Variants in CCDC146 observed in about 807,000 individuals in gnomAD.
CCDC146 encodes coiled-coil domain containing 146, also known as coiled-coil domain-containing protein 146.
Under a neutral mutation model 119.3 loss-of-function variants are expected in CCDC146, and 92 were observed. The ratio of observed to expected loss-of-function variants is 0.77; its 90% confidence interval spans 0.65 to 0.92. The LOEUF (loss-of-function observed/expected upper bound fraction) is 0.92, where lower values mean the gene tolerates loss of function less well. CCDC146 is among the 40% of genes least tolerant of loss of function. CCDC146 has a pLI of 0.00. For synonymous variants in CCDC146, 372 were observed against 371.8 expected (o/e 1.00, Z -0.01); for missense variants, 1,000 against 1,103.0 (o/e 0.91, Z 1.32).
At chr7:77,263,855 C>T (rs924405494) in intron 9 of CCDC146, among the ~76,000 whole-genome samples, 1 of 152,110 alleles carries the variant, frequency 6.6e-6, no homozygotes, top group African/African-American at 2.4e-5. Flanking sequence ...ACCCGGGAGG[C>T]GGAGGTTGCA....
intron 4 of CCDC146, among the ~76,000 whole-genome samples, chr7:77,248,165 AACTC>A (rs1584109269): frequency 6.6e-6 from 1 of 152,218 alleles, no homozygotes; most frequent in African/African-American, 2.4e-5. Context: ...AAGTGAAAAA[AACTC>A]ACAAACAGAA....
chr7:77,237,445 G>C (rs1053413853), intron 3 of CCDC146, among the ~76,000 whole-genome samples: 2 of 152,160 alleles, frequency 1.3e-5, no homozygotes, highest in Non-Finnish European at 2.9e-5. Context: ...AGCAAACTTT[G>C]ATGGCCAGAG....
At position 77,230,934 on chromosome 7, in the gene CCDC146, C is replaced by T. The variant is rs542038720; in HGVS notation, c.157-6013C>T. On this transcript the variant is annotated intron_variant, in intron 2 of 18. Coordinates refer to ENST00000285871, the MANE Select transcript of CCDC146 (RefSeq NM_020879.3). The stretch of plus-strand genomic sequence containing the variant: ...AAATTATATACAGTAGTCCCCCCCA[C>T]CATCTGCAATTTTATGTTCTGCGAT... Among the ~76,000 whole-genome samples the T allele has an allele frequency of 3.3e-5, 5 of 152,290 alleles. No homozygotes were observed. The South Asian group carries it at 6.2e-4, about 19-fold the overall frequency.
chr7:77,189,095 C>G (rs1791716933), intron 2 of CCDC146, among the ~76,000 whole-genome samples: 1 of 152,142 alleles, frequency 6.6e-6, no homozygotes, highest in Admixed American at 6.6e-5. Flanking sequence ...TCCTGAACTT[C>G]AGACTAATAT....
intron 1 of CCDC146, among the ~76,000 whole-genome samples, chr7:77,123,061 G>C (rs1461056862): frequency 6.9e-6 from 1 of 144,968 alleles, no homozygotes; most frequent in Non-Finnish European, 1.5e-5. Context: ...TGAGGATCAA[G>C]TAAGAAAATG....
chr7:77,171,538 C>A (rs1302139007), intron 2 of CCDC146, among the ~76,000 whole-genome samples: 1 of 152,208 alleles, frequency 6.6e-6, no homozygotes, highest in Admixed American at 6.5e-5. Context: ...CCAGACTTAT[C>A]TGCGCTCCCC....
intron 1 of CCDC146, among the ~76,000 whole-genome samples, chr7:77,165,479 G>A (rs1791325786): frequency 6.6e-6 from 1 of 152,064 alleles, no homozygotes; most frequent in African/African-American, 2.4e-5. Flanking sequence ...TGGGTGCCAA[G>A]CAAATAGGCC....
rs1386575087 is a variant in CCDC146, at chr7:77,236,999, A to G, written c.209A>G (p.Lys70Arg). The change falls in exon 3 of 19, where the codon AAG becomes AGG. Residue 70 changes from lysine to arginine, a missense_variant. Lys to Arg is a conservative substitution (Grantham distance 26). Coordinates refer to ENST00000285871, the MANE Select transcript of CCDC146 (RefSeq NM_020879.3). ...ACCAGAATGGCAGCGTTAAAAGCCA[A>G]GTATACCTTGCTGCATGACGCCGTG... is the stretch of plus-strand genomic sequence containing the variant. ...PGTRMAALKA[K>R]YTLLHDAVMS... 1.9e-6 allele frequency: 3 copies of G among 1,614,184 alleles called. No homozygotes were observed. Among genetic ancestry groups the G allele is most frequent in the South Asian group, 1.1e-5 (1 of 91,092 alleles).
chr7:77,157,673 G>A (rs6973535), intron 1 of CCDC146, among the ~76,000 whole-genome samples: 20,362 of 152,084 alleles, frequency 0.13, 1,486 homozygotes, highest in East Asian at 0.19. Flanking sequence ...GACTCCTACA[G>A]CATCTCATGG....
intron 1 of CCDC146, among the ~76,000 whole-genome samples, chr7:77,139,933 T>C (rs1790910363): frequency 6.6e-6 from 1 of 151,366 alleles, no homozygotes; most frequent in African/African-American, 2.4e-5. Context: ...AGAGTCTTGC[T>C]TGTCACCCAG....
chr7:77,255,609 C>T (rs370549986), intron 5 of CCDC146: 3 of 152,172 alleles, frequency 2.0e-5, no homozygotes, highest in Non-Finnish European at 4.4e-5. Context: ...TCTCACCCAG[C>T]AGTGGTGGGA....
intron 1 of CCDC146, among the ~76,000 whole-genome samples, chr7:77,134,571 G>GTC (rs1790835119): frequency 6.9e-6 from 1 of 144,274 alleles, no homozygotes; most frequent in African/African-American, 2.8e-5. Flanking sequence ...GTCTGTGTGT[G>GTC]TGTGTGTGTG....
At chr7:77,174,351 A>G (rs1791470953) in intron 2 of CCDC146, among the ~76,000 whole-genome samples, 1 of 152,168 alleles carries the variant, frequency 6.6e-6, no homozygotes, top group Non-Finnish European at 1.5e-5. Context: ...TTAAACAGCA[A>G]CTTTTATTGA....
intron 14 of CCDC146, 86 bp from the exon 15 acceptor site, chr7:77,282,471 G>A: frequency 1.2e-6 from 1 of 805,912 alleles, no homozygotes; most frequent in South Asian, 1.8e-5. Flanking sequence ...TGTATATCTT[G>A]CATCCAAAGC....
intron 10 of CCDC146, among the ~76,000 whole-genome samples, 164 bp from the exon 11 acceptor site, chr7:77,274,318 C>T (rs769615553): frequency 4.3e-4 from 65 of 152,156 alleles, no homozygotes; most frequent in Admixed American, 1.1e-3. Flanking sequence ...CATCATCCTG[C>T]CTCAGCCTCC....
intron 18 of CCDC146, among the ~76,000 whole-genome samples, 200 bp from the exon 19 acceptor site, chr7:77,294,463 G>GGTGTGTGTGTGTGTGTGTGT (rs61323999): frequency 5.1e-4 from 68 of 134,306 alleles, no homozygotes; most frequent in Non-Finnish European, 8.9e-4. Flanking sequence ...ATGAGAGGTA[G>GGTGTGTGTGTGTGTGTGTGT]GTGTGTGTGT....
chr7:77,145,465 G>T (rs1055109251), intron 1 of CCDC146, among the ~76,000 whole-genome samples: 9 of 151,662 alleles, frequency 5.9e-5, no homozygotes, highest in Admixed American at 3.3e-4. Context: ...GCTAGCTTTT[G>T]AATGTGTTTG....
intron 1 of CCDC146, among the ~76,000 whole-genome samples, chr7:77,145,677 C>G (rs377272782): frequency 0.15 from 23,527 of 151,952 alleles, 2,516 homozygotes; most frequent in Non-Finnish European, 0.21. Flanking sequence ...CGTTATGTAC[C>G]CAGTAGTCAT....
At chr7:77,158,760 C>T (rs192247426) in intron 1 of CCDC146, among the ~76,000 whole-genome samples, 8 of 152,192 alleles carry the variant, frequency 5.3e-5, no homozygotes, top group South Asian at 2.1e-4. Context: ...CCTCGTGATC[C>T]GCCCACCTCC....
Sources: allele counts gnomAD v4.1 joint callset (sites outside exome capture counted in the v4.1 genomes callset), GRCh38; gene constraint gnomAD v4.1.1; transcripts MANE v1.5; gene names NCBI Gene and HGNC (gene_info 2026-07-23, HGNC 2026-07-21).